SGCD: variants seen among roughly 807,000 people sequenced by gnomAD.
The protein encoded by SGCD is sarcoglycan delta, also known as delta-sarcoglycan.
In SGCD, 18 loss-of-function variants were observed where a neutral mutation model predicts 36.6. That is an observed-to-expected ratio of 0.49 (90% confidence interval 0.34 to 0.73). SGCD has a LOEUF of 0.73. SGCD is among the 30% of genes least tolerant of loss of function. The pLI is 0.01. For synonymous variants in SGCD, 133 were observed against 130.6 expected, an observed-to-expected ratio of 1.02 and a Z score of -0.12; for missense variants, 387 against 346.7, an observed-to-expected ratio of 1.12 and a Z score of -0.92.
intron 3 of SGCD, among the ~76,000 whole-genome samples, chr5:156,492,009 C>T (rs1755968286): frequency 6.6e-6 from 1 of 151,984 alleles, no homozygotes; most frequent in Non-Finnish European, 1.5e-5. Context: ...GACTGTCAGT[C>T]TGTGACAATG....
intron 3 of SGCD, among the ~76,000 whole-genome samples, chr5:156,189,966 G>T (rs1211663558): frequency 2.0e-5 from 3 of 152,136 alleles, no homozygotes; most frequent in Non-Finnish European, 4.4e-5. Context: ...TCCCTTGAAA[G>T]ATGTTGACAA....
chr5:156,553,821 G>A (rs1014873763), intron 4 of SGCD, among the ~76,000 whole-genome samples: 8 of 152,086 alleles, frequency 5.3e-5, no homozygotes, highest in African/African-American at 9.7e-5. Flanking sequence ...TTACTATTAC[G>A]TTTGGGTACA....
In SGCD at chr5:156,158,651, C is replaced by CA. The variant is rs1561543937; in HGVS notation, c.-44+34632_-44+34633insA. Among the ~76,000 whole-genome samples, 16 of 151,638 alleles carry CA rather than the reference C, an allele frequency of 1.1e-4. No homozygotes were observed. In the Middle Eastern group the frequency reaches 0.01, roughly 97 times the overall value. On this transcript the variant is annotated intron_variant, in intron 3 of 9. Transcript: ENST00000517913. ...ATGCAGTCTTTACGGACAAGCCTTC[C>CA]GGGGTACTCAGCATGATAGAGAAGG...
At chr5:156,203,704 C>G (rs1383735229) in intron 3 of SGCD, among the ~76,000 whole-genome samples, 1 of 152,106 alleles carries the variant, frequency 6.6e-6, no homozygotes, top group African/African-American at 2.4e-5. Flanking sequence ...AATGAGCTTT[C>G]TTTTCATCCA....
At chr5:156,300,879 T>A (rs530852217) in intron 3 of SGCD, among the ~76,000 whole-genome samples, 3 of 152,198 alleles carry the variant, frequency 2.0e-5, no homozygotes, top group Admixed American at 1.3e-4. Context: ...TGTCTTTTTT[T>A]ATAGTTTTTA....
At position 155,926,375 on chromosome 5, in the gene SGCD, G is replaced by A. The variant is rs1408432678; in HGVS notation, c.-282+55951G>A. Among the ~76,000 whole-genome samples the A allele has an allele frequency of 2.0e-5, 3 of 152,100 alleles. No individual in the cohort carries two copies. In the East Asian group the frequency reaches 5.8e-4, roughly 29 times the overall value. ...TGCAGGACTTTTGGTTCCAAATATG[G>A]TGCTCTTGAAATACAGCAAAGATTG... On this transcript the variant is annotated intron_variant, in intron 1 of 9. Transcript: ENST00000517913.
intron 7 of SGCD, among the ~76,000 whole-genome samples, chr5:156,735,860 C>A (rs988370963): frequency 6.6e-6 from 1 of 152,170 alleles, no homozygotes; most frequent in Admixed American, 6.5e-5. Flanking sequence ...TCTAAAGTTC[C>A]CAGGTCTCCT....
chr5:156,313,865 A>G (rs1361504871), intron 3 of SGCD, among the ~76,000 whole-genome samples: 88 of 152,096 alleles, frequency 5.8e-4, no homozygotes, highest in Admixed American at 5.8e-3. Context: ...AATTTGTAAA[A>G]ATGCTGTTCA....
At chr5:156,040,278 C>A (rs1759602984) in intron 1 of SGCD, among the ~76,000 whole-genome samples, 1 of 152,170 alleles carries the variant, frequency 6.6e-6, no homozygotes, top group Non-Finnish European at 1.5e-5. Flanking sequence ...GAAGGATTTA[C>A]TGATGAAGCT....
chr5:155,747,105 G>C, the SGCD span, among the ~76,000 whole-genome samples: 1 of 152,120 alleles, frequency 6.6e-6, no homozygotes, highest in Admixed American at 6.6e-5. Flanking sequence ...TATTATTTAT[G>C]TTATAATAAC....
chr5:156,029,762 C>T (rs1247337929), intron 1 of SGCD, among the ~76,000 whole-genome samples: 5 of 152,196 alleles, frequency 3.3e-5, no homozygotes, highest in African/African-American at 9.6e-5. Flanking sequence ...GATCTGTTCT[C>T]TAGGGCTCTG....
chr5:156,034,313 G>A (rs1759435793), intron 1 of SGCD, among the ~76,000 whole-genome samples: 1 of 152,086 alleles, frequency 6.6e-6, no homozygotes, highest in Admixed American at 6.5e-5. Flanking sequence ...CAAACCTTTT[G>A]AAAACATTTC....
chr5:156,195,623 A>G (rs962163799), intron 3 of SGCD, among the ~76,000 whole-genome samples: 5 of 152,092 alleles, frequency 3.3e-5, no homozygotes, highest in African/African-American at 4.8e-5. Context: ...TTCTATGCGT[A>G]TGGATACATA....
At chr5:155,775,581 G>T in the SGCD span, among the ~76,000 whole-genome samples, 1 of 151,930 alleles carries the variant, frequency 6.6e-6, no homozygotes, top group Non-Finnish European at 1.5e-5. Flanking sequence ...TTTTTAGCTA[G>T]CACAGCACTT....
chr5:155,837,982 A>C, the SGCD span, among the ~76,000 whole-genome samples: 1 of 152,156 alleles, frequency 6.6e-6, no homozygotes, highest in East Asian at 1.9e-4. Context: ...GAAGAAATGG[A>C]AACATACACA....
chr5:156,395,762 CAT>C (rs941745226), intron 3 of SGCD, among the ~76,000 whole-genome samples: 15 of 152,284 alleles, frequency 9.9e-5, no homozygotes, highest in African/African-American at 3.6e-4. Context: ...GTTTCAGACA[CAT>C]ATATATCTGT....
At chr5:156,354,288 A>G (rs1769395415) in intron 3 of SGCD, among the ~76,000 whole-genome samples, 1 of 152,160 alleles carries the variant, frequency 6.6e-6, no homozygotes, top group South Asian at 2.1e-4. Flanking sequence ...CAGTGTGATT[A>G]TAGTCTGGAA....
Position 156,030,741 on chromosome 5 carries a change from G to C in SGCD, c.-281-87137G>C, listed in dbSNP as rs561376437. On this transcript the variant is annotated intron_variant, in intron 1 of 9. Coordinates refer to the SGCD transcript ENST00000517913. The stretch of plus-strand genomic sequence containing the variant: ...GGGCCTATTGAGAGAAGTTTCATGG[G>C]GGGGCCCTGGGTCTTGAGAGTGAGC... Among the ~76,000 whole-genome samples, 282 of 152,192 alleles carry C rather than the reference G, an allele frequency of 1.9e-3. 1 individual carries two copies. The highest frequency in any genetic ancestry group is 6.4e-3 in the African/African-American group (265 of 41,502).
At chr5:155,900,481 A>G (rs908130987) in intron 1 of SGCD, among the ~76,000 whole-genome samples, 5 of 151,906 alleles carry the variant, frequency 3.3e-5, no homozygotes, top group African/African-American at 1.2e-4. Flanking sequence ...TATGCAGGTT[A>G]GTTACATATG....
Sources: allele counts gnomAD v4.1 joint callset (sites outside exome capture counted in the v4.1 genomes callset), GRCh38; gene constraint gnomAD v4.1.1; transcripts MANE v1.5; gene names NCBI Gene and HGNC (gene_info 2026-07-23, HGNC 2026-07-21).